The following BMPR2 variants were observed in gnomAD, a reference collection of about 807,000 sequenced individuals.
The protein encoded by BMPR2 is bone morphogenetic protein receptor type-2.
Under a neutral mutation model 100.8 loss-of-function variants are expected in BMPR2, and 29 were observed. The observed-to-expected ratio is 0.29, with a 90% CI of 0.21 to 0.39. BMPR2 has a LOEUF of 0.39. Ranked by LOEUF, BMPR2 falls within the 10% of genes least tolerant of loss-of-function variation. The pLI, the probability that BMPR2 is intolerant of heterozygous loss-of-function variation, is 1.00. For missense variants in BMPR2, 1,011 were observed against 1,274.5 expected, an observed-to-expected ratio of 0.79 and a Z score of 3.15; for synonymous variants, 382 against 442.3, an observed-to-expected ratio of 0.86 and a Z score of 1.71.
intron 1 of BMPR2, among the ~76,000 whole-genome samples, chr2:202,391,920 C>G (rs529040703): frequency 6.6e-6 from 1 of 151,662 alleles, no homozygotes; most frequent in Non-Finnish European, 1.5e-5. Flanking sequence ...CGCCACCACG[C>G]CCAGCTAATT....
intron 1 of BMPR2, among the ~76,000 whole-genome samples, chr2:202,421,968 G>A (rs925414837): frequency 6.6e-6 from 1 of 152,200 alleles, no homozygotes; most frequent in African/African-American, 2.4e-5. Context: ...GAGTGCAGTG[G>A]TGCGATCTCG....
rs1185253304 is a variant in BMPR2 at position 202,560,006 on chromosome 2, G to A, written c.*60G>A. ...TGCATCATTTAAACATGCAGAAGAT[G>A]TTTAAAAATAAAAAAAAAACTGCTT... On this transcript the variant is annotated 3_prime_UTR_variant, in exon 13 of 13. Coordinates refer to ENST00000374580, the MANE Select transcript of BMPR2 (RefSeq NM_001204.7). 2.5e-6 allele frequency: 4 copies of A among 1,600,648 alleles called. No individual in the cohort carries two copies. Among genetic ancestry groups the A allele is most frequent in the Non-Finnish European group, 3.4e-6 (4 of 1,174,184 alleles).
chr2:202,497,921 G>A (rs751714845), intron 3 of BMPR2, among the ~76,000 whole-genome samples: 5 of 152,152 alleles, frequency 3.3e-5, no homozygotes, highest in Non-Finnish European at 5.9e-5. Context: ...TGTCACAGTG[G>A]GGACTACCTG....
chr2:202,535,967 G>C (rs1266412789), intron 9 of BMPR2, among the ~76,000 whole-genome samples: 2 of 150,540 alleles, frequency 1.3e-5, no homozygotes, highest in African/African-American at 2.4e-5. Context: ...GCAGGCACTC[G>C]GCAGGCTGAG....
intron 3 of BMPR2, among the ~76,000 whole-genome samples, chr2:202,482,602 G>A (rs1168252558): frequency 2.0e-5 from 3 of 150,190 alleles, no homozygotes; most frequent in Non-Finnish European, 3.0e-5. Flanking sequence ...ACAGTGGCAC[G>A]ATCTCGGCTC....
chr2:202,458,117 T>C (rs1692156547), intron 1 of BMPR2, among the ~76,000 whole-genome samples: 1 of 151,894 alleles, frequency 6.6e-6, no homozygotes, highest in Non-Finnish European at 1.5e-5. Flanking sequence ...TGATACTTTT[T>C]GTTTAAAGCA....
chr2:202,431,829 T>C (rs1476477559), intron 1 of BMPR2, among the ~76,000 whole-genome samples: 1 of 150,608 alleles, frequency 6.6e-6, no homozygotes, highest in East Asian at 1.9e-4. Context: ...TCAGAACTTA[T>C]TCCCATTGTT....
chr2:202,519,110 C>T, intron 6 of BMPR2, 58 bp downstream of exon 6: 2 of 1,555,522 alleles, frequency 1.3e-6, no homozygotes, highest in Non-Finnish European at 1.8e-6. Flanking sequence ...GCCTGTAATC[C>T]CAGCACTTTT....
At chr2:202,504,398 C>A (rs1311580169) in intron 3 of BMPR2, among the ~76,000 whole-genome samples, 1 of 151,934 alleles carries the variant, frequency 6.6e-6, no homozygotes, top group Non-Finnish European at 1.5e-5. Context: ...TCCAGACACG[C>A]CGCCTCAAGA....
intron 1 of BMPR2, among the ~76,000 whole-genome samples, chr2:202,409,083 GC>G (rs1204814309): frequency 2.6e-5 from 4 of 152,156 alleles, no homozygotes; most frequent in Non-Finnish European, 5.9e-5. Flanking sequence ...AGTGGCTCAC[GC>G]CTGTAATTCC....
chr2:202,399,945 G>A (rs950690601), intron 1 of BMPR2, among the ~76,000 whole-genome samples: 1 of 151,952 alleles, frequency 6.6e-6, no homozygotes, highest in African/African-American at 2.4e-5. Context: ...GATCCTGTCT[G>A]TACAAAAAAT....
chr2:202,566,760 A>G lies in BMPR2; in HGVS notation c.*6814A>G, dbSNP rs1688769870. The G allele has an allele frequency of 6.6e-6, 1 of 152,200 alleles. No individual in the cohort carries two copies. Among genetic ancestry groups the G allele is most frequent in the South Asian group, 2.1e-4 (1 of 4,832 alleles). The allele number at this position is 152,200 out of a possible 1,614,324, so 9.4% of individuals were successfully genotyped here. A position where few individuals can be genotyped will look rare whatever the true frequency, so the allele number is the denominator to read the frequency against. The stretch of plus-strand genomic sequence containing the variant: ...GGTTTTGAGAAAATAACCTGTATTT[A>G]TCACATTGTCAAACAGAATTTTTCT... On this transcript the variant is annotated 3_prime_UTR_variant, in exon 13 of 13. Coordinates refer to ENST00000374580, the MANE Select transcript of BMPR2 (RefSeq NM_001204.7).
At chr2:202,478,237 GAAC>G (rs1184336259) in intron 3 of BMPR2, among the ~76,000 whole-genome samples, 2 of 152,164 alleles carry the variant, frequency 1.3e-5, no homozygotes, top group African/African-American at 4.8e-5. Flanking sequence ...GTATTCCAAA[GAAC>G]AAGAAGGCTG....
At chr2:202,498,617 G>A (rs965014190) in intron 3 of BMPR2, among the ~76,000 whole-genome samples, 14 of 152,104 alleles carry the variant, frequency 9.2e-5, no homozygotes, top group Non-Finnish European at 1.3e-4. Context: ...AACCACGGGC[G>A]GTTTTGTCTT....
chr2:202,461,567 C>G (rs1163898293), intron 1 of BMPR2, among the ~76,000 whole-genome samples: 1 of 152,168 alleles, frequency 6.6e-6, no homozygotes, highest in Admixed American at 6.5e-5. Flanking sequence ...TTAGTCTAAC[C>G]TTCCTAGGTT....
At chr2:202,390,331 G>A (rs537218040) in intron 1 of BMPR2, among the ~76,000 whole-genome samples, 22 of 139,062 alleles carry the variant, frequency 1.6e-4, no homozygotes, top group South Asian at 2.4e-4. Flanking sequence ...CTTTTCTTTC[G>A]TGTTTTTTTT....
chr2:202,466,361 A>AC, intron 2 of BMPR2, among the ~76,000 whole-genome samples: 1 of 151,780 alleles, frequency 6.6e-6, no homozygotes, highest in Admixed American at 6.6e-5. Flanking sequence ...ATCTCGGCTC[A>AC]CTGCAACCTC....
chr2:202,428,786 T>G (rs1454321336), intron 1 of BMPR2, among the ~76,000 whole-genome samples: 1 of 152,238 alleles, frequency 6.6e-6, no homozygotes, highest in Admixed American at 6.5e-5. Flanking sequence ...GGTTCTGTTC[T>G]TAATATTCTC....
In BMPR2 at chr2:202,533,922, G is replaced by A. The variant is rs143582305; in HGVS notation, c.1276+1190G>A. On this transcript the variant is annotated intron_variant, in intron 9 of 12. Transcript: ENST00000374580. ...GTTTTCCCTTCTTAGGGATTACATC[G>A]TTGTAGTATCATCTAAAAACTTTAA... Among the ~76,000 whole-genome samples, 217 of 152,208 alleles carry A rather than the reference G, an allele frequency of 1.4e-3. 4 individuals carry two copies. The East Asian group carries it at 0.041, about 28-fold the overall frequency.
Sources: gnomAD v4.1 joint callset for allele counts (sites outside exome capture counted in the v4.1 genomes callset) on GRCh38, gnomAD v4.1.1 for gene constraint, MANE v1.5 for transcripts, NCBI Gene and HGNC (gene_info 2026-07-23, HGNC 2026-07-21) for gene names.